Variants in LRMDA observed in about 807,000 individuals in gnomAD.
LRMDA encodes the protein leucine-rich melanocyte differentiation-associated protein.
LRMDA carries 18 observed loss-of-function variants against 29.8 expected under a neutral mutation model. The observed-to-expected ratio is 0.60, with a 90% CI of 0.42 to 0.90. The LOEUF (loss-of-function observed/expected upper bound fraction) is 0.90, where lower values mean the gene tolerates loss of function less well. Among genes scored for constraint, LRMDA ranks in the 40% least tolerant of loss-of-function variants. LRMDA has a pLI of 0.00. For synonymous variants in LRMDA, 125 were observed against 109.4 expected (o/e 1.14, Z -0.89); for missense variants, 273 against 273.9 (o/e 1.00, Z 0.02).
chr10:76,350,605 G>T (rs901197666), intron 6 of LRMDA, among the ~76,000 whole-genome samples: 1 of 151,890 alleles, frequency 6.6e-6, no homozygotes, highest in Non-Finnish European at 1.5e-5. Flanking sequence ...GCTGGTGTAG[G>T]GTCATTTGAG....
At chr10:76,248,873 A>G (rs1264184107) in intron 5 of LRMDA, among the ~76,000 whole-genome samples, 2 of 152,192 alleles carry the variant, frequency 1.3e-5, no homozygotes, top group Non-Finnish European at 2.9e-5. Context: ...ATCATGTCAT[A>G]CCACCCACTT....
At chr10:75,570,862 A>G (rs1308015341) in intron 2 of LRMDA, among the ~76,000 whole-genome samples, 1 of 152,232 alleles carries the variant, frequency 6.6e-6, no homozygotes, top group African/African-American at 2.4e-5. Context: ...TTCCATTATC[A>G]TAATTTCATT....
chr10:76,365,085 C>CACACACACATATATATATAT (rs1272382582), intron 6 of LRMDA, among the ~76,000 whole-genome samples: 1 of 69,726 alleles, frequency 1.4e-5, no homozygotes, highest in African/African-American at 4.4e-5. Flanking sequence ...CACACACACA[C>CACACACACATATATATATAT]ATATATATAT....
At chr10:75,786,217 G>A (rs993416971) in intron 2 of LRMDA, among the ~76,000 whole-genome samples, 1 of 152,164 alleles carries the variant, frequency 6.6e-6, no homozygotes, top group Non-Finnish European at 1.5e-5. Flanking sequence ...TTCCCATTTG[G>A]GGCGGTATGA....
chr10:75,840,006 C>T (rs1276354618), intron 2 of LRMDA, among the ~76,000 whole-genome samples: 1 of 152,194 alleles, frequency 6.6e-6, no homozygotes, highest in Non-Finnish European at 1.5e-5. Context: ...CCACGCCTGG[C>T]CGCATTCAAC....
chr10:76,344,003 G>A (rs1359455676), intron 6 of LRMDA, among the ~76,000 whole-genome samples: 1 of 151,706 alleles, frequency 6.6e-6, no homozygotes, highest in Non-Finnish European at 1.5e-5. Flanking sequence ...GGTATTTTTA[G>A]TAGAGATGAG....
At chr10:75,994,202 G>A (rs1265369661) in intron 2 of LRMDA, among the ~76,000 whole-genome samples, 1 of 152,192 alleles carries the variant, frequency 6.6e-6, no homozygotes, top group East Asian at 1.9e-4. Flanking sequence ...GGAATTTCAG[G>A]TGCAACTGAC....
intron 2 of LRMDA, among the ~76,000 whole-genome samples, chr10:75,793,696 G>A (rs1404687156): frequency 3.9e-5 from 6 of 152,174 alleles, no homozygotes; most frequent in Non-Finnish European, 8.8e-5. Context: ...AGATCTTTCA[G>A]AGCTTGCTCT....
In LRMDA at chr10:76,171,817, C is replaced by A. The variant is rs371938955; in HGVS notation, c.516+113034C>A. 1.3e-4 allele frequency among the ~76,000 whole-genome samples: 20 copies of A among 152,254 alleles called. No homozygotes were observed. In the South Asian group the frequency reaches 4.1e-3, roughly 32 times the overall value. ...CTGCCTTATACAGTTAAGAACCAGA[C>A]AAAATATATGAAACAACAGTGTCTT... On this transcript the variant is annotated intron_variant, in intron 5 of 6. Coordinates refer to ENST00000611255, the MANE Select transcript of LRMDA (RefSeq NM_001305581.2).
At chr10:75,520,926 T>C (rs1845349283) in intron 2 of LRMDA, among the ~76,000 whole-genome samples, 1 of 152,216 alleles carries the variant, frequency 6.6e-6, no homozygotes, top group South Asian at 2.1e-4. Context: ...TTAGTTTTCC[T>C]TCTAACAGTC....
chr10:75,961,411 C>G (rs190616413), intron 2 of LRMDA, among the ~76,000 whole-genome samples: 1 of 152,240 alleles, frequency 6.6e-6, no homozygotes, highest in East Asian at 1.9e-4. Flanking sequence ...TACATGTGTT[C>G]CCCCACGGGG....
chr10:75,951,790 G>A lies in LRMDA; in HGVS notation c.132-84218G>A, dbSNP rs77785664. On this transcript the variant is annotated intron_variant, in intron 2 of 6. Coordinates refer to ENST00000611255, the MANE Select transcript of LRMDA (RefSeq NM_001305581.2). ...ACACATTTGAAAATATTGATTTGCT[G>A]CTACCCCTTTGAAAAGCTTAAGAAG... Among the ~76,000 whole-genome samples, 112 of 152,208 alleles carry A rather than the reference G, an allele frequency of 7.4e-4. 2 individuals are homozygous for A. In the East Asian group the frequency reaches 0.018, roughly 24 times the overall value.
intron 2 of LRMDA, among the ~76,000 whole-genome samples, chr10:75,760,969 C>G (rs531929672): frequency 6.6e-6 from 1 of 152,276 alleles, no homozygotes; most frequent in African/African-American, 2.4e-5. Flanking sequence ...TGATTTAATC[C>G]ATTTTTGTAT....
intron 2 of LRMDA, among the ~76,000 whole-genome samples, chr10:75,903,310 G>A (rs1206521926): frequency 6.6e-6 from 1 of 152,092 alleles, no homozygotes; most frequent in Non-Finnish European, 1.5e-5. Flanking sequence ...CTCCCTCCTG[G>A]GTGTCGGGAA....
At chr10:76,086,893 T>C (rs1849145277) in intron 5 of LRMDA, among the ~76,000 whole-genome samples, 1 of 152,120 alleles carries the variant, frequency 6.6e-6, no homozygotes, top group Non-Finnish European at 1.5e-5. Context: ...AAAAAAGGGC[T>C]GAGTGGGTGG....
At chr10:76,008,535 A>G (rs184076478) in intron 2 of LRMDA, among the ~76,000 whole-genome samples, 58 of 152,362 alleles carry the variant, frequency 3.8e-4, no homozygotes, top group African/African-American at 1.3e-3. Flanking sequence ...TTGAGGTGTT[A>G]TATAAATAGG....
chr10:76,478,727 A>T (rs1842705109), intron 6 of LRMDA, among the ~76,000 whole-genome samples: 1 of 152,114 alleles, frequency 6.6e-6, no homozygotes, highest in Non-Finnish European at 1.5e-5. Flanking sequence ...ATAAAAAATG[A>T]TGAGTTCATG....
At chr10:75,550,002 T>C (rs953180971) in intron 2 of LRMDA, among the ~76,000 whole-genome samples, 1 of 152,228 alleles carries the variant, frequency 6.6e-6, no homozygotes, top group African/African-American at 2.4e-5. Context: ...TTGAGTAGTA[T>C]TCTATTGTGT....
At chr10:75,477,724 C>T (rs1004597566) in intron 2 of LRMDA, among the ~76,000 whole-genome samples, 19 of 152,224 alleles carry the variant, frequency 1.2e-4, no homozygotes, top group Non-Finnish European at 1.5e-5. Flanking sequence ...TGGGGCCCTG[C>T]TGTTCCCACC....
Sources: gnomAD v4.1 joint callset for allele counts (sites outside exome capture counted in the v4.1 genomes callset) on GRCh38, gnomAD v4.1.1 for gene constraint, MANE v1.5 for transcripts, NCBI Gene and HGNC (gene_info 2026-07-23, HGNC 2026-07-21) for gene names.